The following STRN3 variants were observed in gnomAD, a reference collection of about 807,000 sequenced individuals.
The protein encoded by STRN3 is striatin 3, also known as striatin-3.
In STRN3, 29 loss-of-function variants were observed where a neutral mutation model predicts 95.6. The ratio of observed to expected loss-of-function variants is 0.30; its 90% CI spans 0.23 to 0.41. The LOEUF (loss-of-function observed/expected upper bound fraction) is 0.41. Among genes scored for constraint, STRN3 ranks in the 10% least tolerant of loss-of-function variants. STRN3 has a pLI of 1.00. For missense variants in STRN3, 890 were observed against 972.1 expected (o/e 0.92, Z 1.12); for synonymous variants, 331 against 357.6 (o/e 0.93, Z 0.84).
intron 7 of STRN3, among the ~76,000 whole-genome samples, chr14:30,930,977 G>C (rs897763743): frequency 1.1e-4 from 16 of 152,012 alleles, no homozygotes; most frequent in African/African-American, 3.4e-4. Flanking sequence ...AAATTAGATA[G>C]AACAGAAAAA....
At chr14:30,946,192 GA>G (rs1487253860) in intron 5 of STRN3, among the ~76,000 whole-genome samples, 1 of 152,134 alleles carries the variant, frequency 6.6e-6, no homozygotes, top group East Asian at 1.9e-4. Flanking sequence ...TGAACTACAT[GA>G]AATCAGTCTC....
intron 1 of STRN3, among the ~76,000 whole-genome samples, chr14:30,973,770 A>T (rs1880955043): frequency 6.6e-6 from 1 of 152,242 alleles, no homozygotes; most frequent in African/African-American, 2.4e-5. Context: ...AGAATTACAC[A>T]TCGTGACCAA....
chr14:31,003,685 C>G (rs1882576663), intron 1 of STRN3, among the ~76,000 whole-genome samples: 1 of 151,094 alleles, frequency 6.6e-6, no homozygotes, highest in African/African-American at 2.4e-5. Context: ...ACTTGCCAAC[C>G]AACAGAATTG....
intron 1 of STRN3, among the ~76,000 whole-genome samples, chr14:30,968,991 A>C (rs924181984): frequency 1.3e-5 from 2 of 152,238 alleles, no homozygotes; most frequent in African/African-American, 4.8e-5. Context: ...AAGTTTTAAA[A>C]CATTAATTGT....
At chr14:30,990,897 C>T (rs953945197) in intron 1 of STRN3, among the ~76,000 whole-genome samples, 1 of 152,092 alleles carries the variant, frequency 6.6e-6, no homozygotes. Flanking sequence ...AGTACAGATG[C>T]AACAGTCCTT....
chr14:30,960,096 C>T (rs1415932186), intron 1 of STRN3, among the ~76,000 whole-genome samples: 1 of 151,948 alleles, frequency 6.6e-6, no homozygotes, highest in Non-Finnish European at 1.5e-5. Flanking sequence ...GGGCTCATGC[C>T]TATAATCCTA....
chr14:30,911,396 G>A (rs192019409), intron 12 of STRN3, among the ~76,000 whole-genome samples: 43 of 147,350 alleles, frequency 2.9e-4, no homozygotes, highest in Non-Finnish European at 3.6e-4. Context: ...CCACCTCCCA[G>A]GTTCGAGCGA....
At chr14:30,997,638 T>C (rs1366123776) in intron 1 of STRN3, among the ~76,000 whole-genome samples, 1 of 152,194 alleles carries the variant, frequency 6.6e-6, no homozygotes, top group African/African-American at 2.4e-5. Context: ...ATAAAACCTG[T>C]GTGTATAACA....
intron 5 of STRN3, among the ~76,000 whole-genome samples, chr14:30,944,618 C>A (rs1475466912): frequency 1.1e-5 from 1 of 92,762 alleles, no homozygotes; most frequent in Admixed American, 1.6e-4. Flanking sequence ...CATATATATA[C>A]ACATTTTTTT....
In STRN3 at chr14:30,947,272, G is replaced by C. The variant is rs775846773; in HGVS notation, c.543-9C>G. ...CTACTTCCTGAAGATACCTGTAAGA[G>C]AAAATAAATATTAAAATCCACATAC... On this transcript the variant is annotated splice_polypyrimidine_tract_variant and intron_variant, in intron 4 of 17. Coordinates refer to ENST00000357479, the MANE Select transcript of STRN3 (RefSeq NM_001083893.2). The C allele has an allele frequency of 3.3e-5, 52 of 1,560,552 alleles. No individual in the cohort carries two copies. In the East Asian group the frequency reaches 1.2e-3, roughly 35 times the overall value.
At chr14:30,926,297 T>C (rs946010626) in intron 8 of STRN3, among the ~76,000 whole-genome samples, 4 of 152,074 alleles carry the variant, frequency 2.6e-5, no homozygotes, top group African/African-American at 9.6e-5. Flanking sequence ...AACAAATCTA[T>C]AGGTTTAACT....
chr14:31,015,019 G>A (rs560836878), intron 1 of STRN3, among the ~76,000 whole-genome samples: 1 of 152,260 alleles, frequency 6.6e-6, no homozygotes, highest in East Asian at 1.9e-4. Context: ...TCTAGAGACA[G>A]GATTTCACCA....
At chr14:31,018,084 A>T (rs986942623) in intron 1 of STRN3, among the ~76,000 whole-genome samples, 21 of 85,396 alleles carry the variant, frequency 2.5e-4, no homozygotes, top group Middle Eastern at 6.9e-3. Flanking sequence ...GCCTCAATTT[A>T]AAAAAAAAAA....
intron 1 of STRN3, among the ~76,000 whole-genome samples, chr14:30,981,678 G>C (rs1164500491): frequency 6.6e-6 from 1 of 151,636 alleles, no homozygotes; most frequent in East Asian, 1.9e-4. Context: ...AAACAGTCCA[G>C]TCCCCGACCT....
intron 1 of STRN3, among the ~76,000 whole-genome samples, chr14:31,023,620 G>T (rs1400701654): frequency 6.6e-6 from 1 of 152,052 alleles, no homozygotes; most frequent in East Asian, 1.9e-4. Flanking sequence ...TAATATGTAA[G>T]TTGTCTTATT....
intron 5 of STRN3, among the ~76,000 whole-genome samples, chr14:30,941,303 G>C (rs1879082412): frequency 6.6e-6 from 1 of 152,112 alleles, no homozygotes; most frequent in Admixed American, 6.6e-5. Flanking sequence ...CCATTTCACT[G>C]ACATATCCCA....
chr14:30,982,535 CTT>C (rs779325172), intron 1 of STRN3, among the ~76,000 whole-genome samples: 36 of 152,350 alleles, frequency 2.4e-4, no homozygotes, highest in Admixed American at 6.5e-4. Context: ...GTGCCGAACT[CTT>C]GGCCTCAAGT....
At chr14:31,018,079 A>T (rs1043906275) in intron 1 of STRN3, among the ~76,000 whole-genome samples, 1 of 140,388 alleles carries the variant, frequency 7.1e-6, no homozygotes, top group African/African-American at 2.5e-5. Flanking sequence ...ACCCTGCCTC[A>T]ATTTAAAAAA....
intron 8 of STRN3, among the ~76,000 whole-genome samples, chr14:30,919,850 G>C (rs1006431246): frequency 6.6e-6 from 1 of 152,070 alleles, no homozygotes; most frequent in African/African-American, 2.4e-5. Context: ...AAAAGCTTCT[G>C]TACCATTGTG....
Sources: allele counts gnomAD v4.1 joint callset (sites outside exome capture counted in the v4.1 genomes callset), GRCh38; gene constraint gnomAD v4.1.1; transcripts MANE v1.5; gene names NCBI Gene and HGNC (gene_info 2026-07-23, HGNC 2026-07-21).